The following TBC1D25 variants were observed in gnomAD, a reference collection of about 807,000 sequenced individuals.
TBC1D25 encodes the protein TBC1 domain family member 25.
TBC1D25 carries 13 observed loss-of-function variants against 38.8 expected under a neutral mutation model. That is an observed-to-expected ratio of 0.34 (90% CI 0.22 to 0.53). The LOEUF is 0.53. Ranked by LOEUF, TBC1D25 falls within the 20% of genes least tolerant of loss-of-function variation. The pLI is 0.94. For synonymous variants in TBC1D25, 225 were observed against 255.6 expected (o/e 0.88, Z 1.14); for missense variants, 372 against 600.0 (o/e 0.62, Z 3.97).
At position 48,545,012 on chromosome X, in the gene TBC1D25, C is replaced by A. The variant is rs1556981243; in HGVS notation, c.377C>A (p.Pro126His). The change falls in exon 3 of 6, where the codon CCC becomes CAC. Residue 126 changes from proline to histidine, a missense_variant. Pro to His is a moderately conservative substitution (Grantham distance 77, BLOSUM62 -2). Coordinates refer to ENST00000376771, the MANE Select transcript of TBC1D25 (RefSeq NM_002536.4). ...PYLQLRVDIR[P>H]SEDSPLLEDW... is the part of the protein sequence containing the mutation. ...CTGCAATTGCGTGTAGATATTCGGC[C>A]CTCGGAGGACAGTGAGTACTCAGTG... is the stretch of plus-strand genomic sequence containing the variant. The A allele has an allele frequency of 3.3e-6, 4 of 1,206,348 alleles. No individual in the cohort carries two copies. In the East Asian group the frequency reaches 1.2e-4, roughly 36 times the overall value.
intron 3 of TBC1D25, among the ~76,000 whole-genome samples, chrX:48,556,674 G>A (rs1261403954): frequency 9.5e-6 from 1 of 105,403 alleles, no homozygotes; most frequent in African/African-American, 3.5e-5. Context: ...TTGAACCTGG[G>A]AGGCAGAGGT....
At chrX:48,553,515 G>T (rs186111767) in intron 3 of TBC1D25, among the ~76,000 whole-genome samples, 1 of 108,681 alleles carries the variant, frequency 9.2e-6, no homozygotes, top group Non-Finnish European at 1.9e-5. Context: ...CTGTCTTATT[G>T]CCTCCAGGGT....
intron 3 of TBC1D25, among the ~76,000 whole-genome samples, chrX:48,556,383 G>A (rs1556984442): frequency 8.9e-6 from 1 of 111,742 alleles, no homozygotes; most frequent in East Asian, 2.8e-4. Flanking sequence ...GCACATGGTT[G>A]GGGCTAAAGT....
At chrX:48,542,223 C>T (rs2061845577) in intron 2 of TBC1D25, among the ~76,000 whole-genome samples, 1 of 99,279 alleles carries the variant, frequency 1.0e-5, no homozygotes, top group African/African-American at 3.8e-5. Context: ...GGCTGCAGTG[C>T]AGTGGCGCAG....
At chrX:48,558,523 A>C (rs1556985005) in intron 3 of TBC1D25, among the ~76,000 whole-genome samples, 1 of 112,177 alleles carries the variant, frequency 8.9e-6, no homozygotes, top group Non-Finnish European at 1.9e-5. Flanking sequence ...TGACTATTGC[A>C]TGAGTCAGTA....
At chrX:48,542,419 C>G (rs1157263836) in intron 2 of TBC1D25, among the ~76,000 whole-genome samples, 1 of 109,683 alleles carries the variant, frequency 9.1e-6, no homozygotes, top group Non-Finnish European at 1.9e-5. Context: ...CTGTCCACCT[C>G]GGCCTCCCAA....
At chrX:48,555,931 C>T (rs1556984351) in intron 3 of TBC1D25, among the ~76,000 whole-genome samples, 3 of 108,854 alleles carry the variant, frequency 2.8e-5, no homozygotes, top group Non-Finnish European at 3.8e-5. Flanking sequence ...CAGCATATCT[C>T]GCCTCCAGCC....
At chrX:48,546,251 C>T (rs2061884200) in intron 3 of TBC1D25, among the ~76,000 whole-genome samples, 1 of 100,702 alleles carries the variant, frequency 9.9e-6, no homozygotes, top group African/African-American at 3.7e-5. Context: ...CGGTGGCTCA[C>T]GCCTGTAATC....
chrX:48,551,684 C>T (rs2061934955), intron 3 of TBC1D25, among the ~76,000 whole-genome samples: 1 of 106,915 alleles, frequency 9.4e-6, no homozygotes, highest in East Asian at 2.9e-4. Flanking sequence ...AGTGCAGTGG[C>T]GCGATCTCAG....
intron 2 of TBC1D25, among the ~76,000 whole-genome samples, chrX:48,541,851 TAC>T (rs1315361799): frequency 9.0e-6 from 1 of 111,457 alleles, no homozygotes; most frequent in Non-Finnish European, 1.9e-5. Context: ...TCACTTTCAG[TAC>T]AGTGTTCAAT....
chrX:48,559,533 G>A (rs2062003885), intron 5 of TBC1D25, 81 bp from the exon 6 acceptor site: 56 of 1,141,453 alleles, frequency 4.9e-5, no homozygotes, highest in Middle Eastern at 3.0e-4. Context: ...GCCCAAGGGG[G>A]GTGGGTGGGT....
At position 48,541,176 on chromosome X, in the gene TBC1D25, T is replaced by TG. The variant is rs1215600059; in HGVS notation, c.124-156dup. On this transcript the variant is annotated intron_variant, in intron 1 of 5. Coordinates refer to ENST00000376771, the MANE Select transcript of TBC1D25 (RefSeq NM_002536.4). Reference sequence around the variant, plus strand: ...AAGAAGGATTGGGGGCCTGAACTCTTGCAGTAGCCTCCTCCTCACTGGACC... The same window carrying TG: ...AAGAAGGATTGGGGGCCTGAACTCTTGGCAGTAGCCTCCTCCTCACTGGACC... 13 of 492,532 alleles carry TG rather than the reference T, an allele frequency of 2.6e-5. No homozygotes were observed. In the African/African-American group the frequency reaches 2.8e-4, roughly 11 times the overall value. The allele number at this position is 492,532 out of a possible 1,213,427, so 40.6% of individuals were successfully genotyped here. A position where few individuals can be genotyped will look rare whatever the true frequency, so the allele number is the denominator to read the frequency against.
rs188941589 is a variant in TBC1D25, at chrX:48,558,732, C to T, written c.389-165C>T. Among the ~76,000 whole-genome samples, 401 of 111,887 alleles carry T rather than the reference C, an allele frequency of 3.6e-3. 2 individuals carry two copies. The highest frequency in any genetic ancestry group is 9.2e-3 in the Middle Eastern group (2 of 217). ...AGACATCTACTACAAAAGAATTGTTCATGGTTTGATTTTGTTTTTTACATG... is the reference window on the plus strand; with the variant it reads ...AGACATCTACTACAAAAGAATTGTTTATGGTTTGATTTTGTTTTTTACATG... On this transcript the variant is annotated intron_variant, in intron 3 of 5. Coordinates refer to ENST00000376771, the MANE Select transcript of TBC1D25 (RefSeq NM_002536.4).
At chrX:48,555,484 G>A (rs2061967990) in intron 3 of TBC1D25, among the ~76,000 whole-genome samples, 1 of 112,556 alleles carries the variant, frequency 8.9e-6, no homozygotes, top group Non-Finnish European at 1.9e-5. Context: ...CGGATGCAGT[G>A]GCTCACGCCT....
Position 48,560,467 on chromosome X carries a change from G to A in TBC1D25, c.1559G>A (p.Arg520Lys), listed in dbSNP as rs781786571. The A allele has an allele frequency of 1.7e-6, 2 of 1,209,677 alleles. No homozygotes were observed. Among genetic ancestry groups the A allele is most frequent in the Non-Finnish European group, 2.2e-6 (2 of 894,450 alleles). Reference protein sequence around the residue: ...LQQLRDNMGSRRDPLVQLPHP... With the variant: ...LQQLRDNMGSKRDPLVQLPHP... ...CAACTCAGGGATAACATGGGCTCCA[G>A]GAGGGACCCTCTGGTCCAGCTGCCC... Residue 520 changes from arginine to lysine, a missense_variant, in exon 6 of 6, where the codon AGG becomes AAG. Physicochemically the swap from Arg to Lys is conservative, Grantham distance 26 (BLOSUM62 2). Coordinates refer to ENST00000376771, the MANE Select transcript of TBC1D25 (RefSeq NM_002536.4).
Position 48,562,117 on chromosome X carries a change from A to G in TBC1D25, c.*1142A>G, listed in dbSNP as rs1430236526. ...CTGTCATCCACAAAGGATGGGTGAAATAACTGGGGTCCTCAGGTCACGGTC... is the reference window on the plus strand; with the variant it reads ...CTGTCATCCACAAAGGATGGGTGAAGTAACTGGGGTCCTCAGGTCACGGTC... On this transcript the variant is annotated 3_prime_UTR_variant, in exon 6 of 6. Transcript: ENST00000376771. The G allele has an allele frequency of 1.8e-5, 2 of 111,886 alleles. No individual in the cohort carries two copies. Among genetic ancestry groups the G allele is most frequent in the African/African-American group, 6.5e-5 (2 of 30,817 alleles). 9.2% of individuals were successfully genotyped at this position (111,886 alleles called of 1,213,427 possible). A position where few individuals can be genotyped will look rare whatever the true frequency, so the allele number is the denominator to read the frequency against.
intron 2 of TBC1D25, among the ~76,000 whole-genome samples, chrX:48,543,267 C>G (rs1556980763): frequency 9.1e-6 from 1 of 109,654 alleles, no homozygotes; most frequent in Non-Finnish European, 1.9e-5. Flanking sequence ...GAGACAGTCT[C>G]ATTCTGTCGT....
intron 3 of TBC1D25, among the ~76,000 whole-genome samples, chrX:48,558,549 G>A (rs1476240747): frequency 8.0e-5 from 9 of 112,326 alleles, no homozygotes; most frequent in Non-Finnish European, 1.3e-4. Flanking sequence ...AAAGAATTCA[G>A]AATAGTTCCT....
intron 3 of TBC1D25, among the ~76,000 whole-genome samples, chrX:48,554,553 C>A (rs1362967268): frequency 2.3e-5 from 2 of 87,634 alleles, no homozygotes; most frequent in Non-Finnish European, 4.6e-5. Flanking sequence ...GAGCAAGACT[C>A]CATCTCAAAA....
Sources: allele counts gnomAD v4.1 joint callset (sites outside exome capture counted in the v4.1 genomes callset), GRCh38; gene constraint gnomAD v4.1.1; transcripts MANE v1.5; gene names NCBI Gene and HGNC (gene_info 2026-07-23, HGNC 2026-07-21).